Variants in UNC5C observed in about 807,000 individuals in gnomAD.
UNC5C encodes the protein unc-5 netrin receptor C.
UNC5C carries 47 observed loss-of-function variants against 99.8 expected under a neutral mutation model. The observed-to-expected ratio is 0.47, with a 90% confidence interval of 0.37 to 0.60. UNC5C has a LOEUF of 0.60. Ranked by LOEUF, UNC5C falls within the 20% of genes least tolerant of loss-of-function variation. The probability of loss-of-function intolerance (pLI) is 0.00; values close to 1 mark genes in which losing one functional copy is unlikely to be tolerated. For missense variants in UNC5C, 1,062 were observed against 1,165.9 expected (o/e 0.91, Z 1.30); for synonymous variants, 487 against 452.2 (o/e 1.08, Z -0.98).
rs139236704 is a variant in UNC5C, at chr4:95,502,250, G to A, written c.124+46484C>T. 3.1e-3 allele frequency among the ~76,000 whole-genome samples: 478 copies of A among 152,222 alleles called. 2 individuals are homozygous for A. The highest frequency in any genetic ancestry group is 0.014 in the Middle Eastern group (4 of 294). ...CTGGATTAGAAACTTTATTAGAAAT[G>A]TAACAGAAAATAATTATCATATAAA... On this transcript the variant is annotated intron_variant, in intron 1 of 15. Transcript: ENST00000453304.
intron 1 of UNC5C, among the ~76,000 whole-genome samples, chr4:95,388,531 T>C (rs1481473754): frequency 3.9e-5 from 6 of 152,188 alleles, no homozygotes. Context: ...GGGTTTATGC[T>C]CCTTGAATTA....
chr4:95,191,246 G>C (rs1363160353), intron 12 of UNC5C, among the ~76,000 whole-genome samples: 1 of 152,132 alleles, frequency 6.6e-6, no homozygotes, highest in Non-Finnish European at 1.5e-5. Flanking sequence ...TGCTTCTCTT[G>C]TTGTCTCTCT....
chr4:95,399,576 A>T (rs1029040446), intron 1 of UNC5C, among the ~76,000 whole-genome samples: 1 of 152,082 alleles, frequency 6.6e-6, no homozygotes, highest in East Asian at 1.9e-4. Context: ...CTCTATTTAC[A>T]CTGGTATTTT....
chr4:95,183,902 G>C (rs1416362610), intron 13 of UNC5C, among the ~76,000 whole-genome samples: 1 of 152,194 alleles, frequency 6.6e-6, no homozygotes, highest in Admixed American at 6.5e-5. Context: ...GTCTGCTGGG[G>C]TTAAATGAGC....
At chr4:95,491,684 A>C (rs189030613) in intron 1 of UNC5C, among the ~76,000 whole-genome samples, 2 of 151,658 alleles carry the variant, frequency 1.3e-5, no homozygotes, top group Admixed American at 6.6e-5. Flanking sequence ...AAAATTATGA[A>C]GCAATAGTAA....
At position 95,250,680 on chromosome 4, in the gene UNC5C, G is replaced by A; in HGVS notation, c.595-13C>T. On this transcript the variant is annotated splice_polypyrimidine_tract_variant and intron_variant, in intron 4 of 15. Transcript: ENST00000453304. ...TCAACCATTCCACCTAAAGATAAATGAGAAAAGTAGATAAATCCTCAGCAT... is the reference window on the plus strand; with the variant it reads ...TCAACCATTCCACCTAAAGATAAATAAGAAAAGTAGATAAATCCTCAGCAT... 2 of 1,612,232 alleles carry A rather than the reference G, an allele frequency of 1.2e-6. No homozygotes were observed. Among genetic ancestry groups the A allele is most frequent in the Non-Finnish European group, 1.7e-6 (2 of 1,178,908 alleles).
chr4:95,193,837 T>C (rs1397305443), intron 12 of UNC5C, among the ~76,000 whole-genome samples: 1 of 152,152 alleles, frequency 6.6e-6, no homozygotes, highest in African/African-American at 2.4e-5. Flanking sequence ...AGCCAGGCAG[T>C]GGAGAACATC....
rs1738376933 is a variant in UNC5C at position 95,219,290 on chromosome 4, G to A, written c.1324C>T (p.Leu442Phe). 1 of 1,613,756 alleles carries A rather than the reference G, an allele frequency of 6.2e-7. No individual in the cohort carries two copies. The highest frequency in any genetic ancestry group is 2.2e-5 in the East Asian group (1 of 44,866). The change falls in exon 9 of 16, where the codon CTC (leucine) becomes TTC (phenylalanine). Residue 442 changes from leucine to phenylalanine, a missense_variant. Transcript: ENST00000453304. Reference sequence around the variant, plus strand: ...CTGTACATGGCTGCAGCTGACGTGAGGTCTGGGGGTACAGCCAGCAGATCT... The same window carrying A: ...CTGTACATGGCTGCAGCTGACGTGAAGTCTGGGGGTACAGCCAGCAGATCT... ...RQDLLAVPPD[L>F]TSAAAMYRGP...
chr4:95,481,342 G>C lies in UNC5C; in HGVS notation c.124+67392C>G, dbSNP rs1721146773. 2.6e-5 allele frequency among the ~76,000 whole-genome samples: 4 copies of C among 152,052 alleles called. No individual in the cohort carries two copies. In the South Asian group the frequency reaches 8.3e-4, roughly 32 times the overall value. On this transcript the variant is annotated intron_variant, in intron 1 of 15. Transcript: ENST00000453304. ...TCTTCAAGGAGAACTACAAACCACT[G>C]CTCAACGAAATAAAAGAGGATACAA...
At chr4:95,187,395 A>G (rs1240102015) in intron 12 of UNC5C, among the ~76,000 whole-genome samples, 1 of 152,212 alleles carries the variant, frequency 6.6e-6, no homozygotes, top group Non-Finnish European at 1.5e-5. Flanking sequence ...TGTCTAAAAG[A>G]AGATGCATTG....
chr4:95,354,479 A>ATATATATATTT, intron 1 of UNC5C, among the ~76,000 whole-genome samples: 2 of 110,352 alleles, frequency 1.8e-5, no homozygotes, highest in Non-Finnish European at 3.6e-5. Context: ...ATATATATAT[A>ATATATATATTT]TTTTTTTTTT....
chr4:95,380,495 G>T (rs1745039506), intron 1 of UNC5C, among the ~76,000 whole-genome samples: 1 of 148,494 alleles, frequency 6.7e-6, no homozygotes, highest in South Asian at 2.1e-4. Flanking sequence ...GCCCAGGCTG[G>T]TCTCGAACTC....
In UNC5C at chr4:95,270,712, C is replaced by T. The variant is rs147124586; in HGVS notation, c.594+7547G>A. Among the ~76,000 whole-genome samples, 630 of 152,122 alleles carry T rather than the reference C, an allele frequency of 4.1e-3. 4 individuals carry two copies. The highest frequency in any genetic ancestry group is 0.015 in the African/African-American group (604 of 41,508). ...ACAAATGAACTAATACCAACAACAA[C>T]CAAATAAAATAAAATAACCAAAACC... On this transcript the variant is annotated intron_variant, in intron 4 of 15. Transcript: ENST00000453304.
chr4:95,327,432 A>G (rs927485893), intron 2 of UNC5C, among the ~76,000 whole-genome samples: 3 of 152,082 alleles, frequency 2.0e-5, no homozygotes, highest in African/African-American at 7.2e-5. Context: ...TCAAACAATA[A>G]AAGTCCCTTT....
At chr4:95,194,868 C>T (rs983879687) in intron 12 of UNC5C, among the ~76,000 whole-genome samples, 1 of 152,160 alleles carries the variant, frequency 6.6e-6, no homozygotes, top group Non-Finnish European at 1.5e-5. Context: ...TGTTTTCTCT[C>T]TCTTTCAAAA....
At chr4:95,338,901 T>A (rs1250278991) in intron 1 of UNC5C, among the ~76,000 whole-genome samples, 8 of 151,936 alleles carry the variant, frequency 5.3e-5, no homozygotes, top group Non-Finnish European at 1.2e-4. Context: ...AAGTTCAAGA[T>A]CCCTGATTAA....
At chr4:95,404,324 A>G (rs1427749518) in intron 1 of UNC5C, among the ~76,000 whole-genome samples, 1 of 152,092 alleles carries the variant, frequency 6.6e-6, no homozygotes, top group Non-Finnish European at 1.5e-5. Flanking sequence ...GATGAAACTC[A>G]TTTCATTTCT....
intron 4 of UNC5C, among the ~76,000 whole-genome samples, chr4:95,263,304 T>G (rs1481337204): frequency 6.6e-6 from 1 of 152,204 alleles, no homozygotes; most frequent in Non-Finnish European, 1.5e-5. Flanking sequence ...TTGATAATAT[T>G]TTTTAGATAC....
At chr4:95,534,573 C>T (rs1217506845) in intron 1 of UNC5C, among the ~76,000 whole-genome samples, 1 of 152,044 alleles carries the variant, frequency 6.6e-6, no homozygotes, top group East Asian at 1.9e-4. Context: ...TTTACAAATA[C>T]ACACTAGAAA....
Sources: allele counts gnomAD v4.1 joint callset (sites outside exome capture counted in the v4.1 genomes callset), GRCh38; gene constraint gnomAD v4.1.1; transcripts MANE v1.5; gene names NCBI Gene and HGNC (gene_info 2026-07-23, HGNC 2026-07-21).